Variants in TRIM48 observed in about 807,000 individuals in gnomAD.
TRIM48 encodes the protein E3 ubiquitin-protein ligase TRIM48.
A neutral mutation model predicts 29.5 loss-of-function variants in TRIM48; 31 were observed. The ratio of observed to expected loss-of-function variants is 1.05; its 90% confidence interval spans 0.79 to 1.42. The LOEUF (loss-of-function observed/expected upper bound fraction) is 1.42, where lower values mean the gene tolerates loss of function less well. Ranked by LOEUF, TRIM48 falls within the 40% of genes most tolerant of loss-of-function variation. The pLI is 0.00. For missense variants in TRIM48, 344 were observed against 265.0 expected (o/e 1.30, Z -2.07); for synonymous variants, 128 against 90.6 (o/e 1.41, Z -2.34).
intron 4 of TRIM48, among the ~76,000 whole-genome samples, chr11:55,268,915 T>C (rs150587121): frequency 0.059 from 8,734 of 147,586 alleles, 1,031 homozygotes; most frequent in Non-Finnish European, 0.09. Flanking sequence ...ACCCCTCTAT[T>C]TCAGACAAAG....
intron 1 of TRIM48, among the ~76,000 whole-genome samples, chr11:55,262,905 T>A (rs1219156766): frequency 6.6e-6 from 1 of 152,164 alleles, no homozygotes; most frequent in Non-Finnish European, 1.5e-5. Context: ...TACAATGACT[T>A]AGATGACCTC....
rs1457989860 is a variant in TRIM48 at position 55,270,440 on chromosome 11, A to G, written c.*5A>G. 5.4e-6 allele frequency: 8 copies of G among 1,475,176 alleles called. No homozygotes were observed. In the African/African-American group the frequency reaches 1.1e-4, roughly 21 times the overall value. The allele number at this position is 1,475,176 out of a possible 1,614,324, so 91.4% of individuals were successfully genotyped here. ...TATTTATTTATTTATTTTGCAGTGG[A>G]TATTACTCTGCATCACAATGAAGCC... On this transcript the variant is annotated 3_prime_UTR_variant, in exon 6 of 6. Coordinates refer to ENST00000417545, the MANE Select transcript of TRIM48 (RefSeq NM_024114.5).
Position 55,270,181 on chromosome 11 carries a change from A to C in TRIM48, c.*2-256A>C, listed in dbSNP as rs187114940. Among the ~76,000 whole-genome samples the C allele has an allele frequency of 2.1e-4, 31 of 148,306 alleles. 3 individuals carry two copies. Among genetic ancestry groups the C allele is most frequent in the African/African-American group, 7.1e-4 (29 of 40,642 alleles). ...TTGCTTTGAAAATTGGATTGAAAGA[A>C]GTTGGTCTTACATTTGGCTGTCAGT... On this transcript the variant is annotated intron_variant, in intron 5 of 5. Coordinates refer to ENST00000417545, the MANE Select transcript of TRIM48 (RefSeq NM_024114.5).
chr11:55,268,959 G>A (rs550111933), intron 4 of TRIM48, among the ~76,000 whole-genome samples: 2 of 147,844 alleles, frequency 1.4e-5, no homozygotes, highest in African/African-American at 4.9e-5. Flanking sequence ...GTGGAACTCA[G>A]AATTTCGTTT....
intron 1 of TRIM48, among the ~76,000 whole-genome samples, chr11:55,264,286 T>A (rs1328577774): frequency 1.4e-5 from 2 of 148,094 alleles, no homozygotes; most frequent in Non-Finnish European, 3.0e-5. Context: ...TGCTGTTTTT[T>A]ATTTGTTTAT....
Position 55,265,686 on chromosome 11 carries a change from C to T in TRIM48, c.546C>T (p.Ser182=). The change falls in exon 3 of 6, where the codon AGC becomes AGT. Residue 182 remains serine (S), a synonymous_variant. Transcript: ENST00000417545. The part of the protein sequence containing the change: ...RNLNVETTRI[S]HWKAFGDILY... The stretch of plus-strand genomic sequence containing the variant: ...TGAATGTGGAAACCACCAGAATCAG[C>T]CACTGGAAGGTTAGTCCTGTAATAC... The T allele has an allele frequency of 2.5e-6, 4 of 1,580,116 alleles. No homozygotes were observed. The highest frequency in any genetic ancestry group is 2.6e-6 in the Non-Finnish European group (3 of 1,164,414).
chr11:55,264,278 C>T lies in TRIM48; in HGVS notation c.45-622C>T, dbSNP rs189877786. Among the ~76,000 whole-genome samples, 1,201 of 147,848 alleles carry T rather than the reference C, an allele frequency of 8.1e-3. 109 individuals are homozygous for T. Among genetic ancestry groups the T allele is most frequent in the African/African-American group, 0.028 (1,146 of 40,506 alleles). Reference sequence around the variant, plus strand: ...TATTCAACCTAAATTGGTTTAATTGCTGTTTTTTATTTGTTTATTTGGTTG... The same window carrying T: ...TATTCAACCTAAATTGGTTTAATTGTTGTTTTTTATTTGTTTATTTGGTTG... On this transcript the variant is annotated intron_variant, in intron 1 of 5. Transcript: ENST00000417545.
Position 55,270,021 on chromosome 11 carries a change from C to A in TRIM48, c.*2-416C>A, listed in dbSNP as rs1437195872. Among the ~76,000 whole-genome samples, 2 of 147,834 alleles carry A rather than the reference C, an allele frequency of 1.4e-5. 1 individual carries two copies. Among genetic ancestry groups the A allele is most frequent in the East Asian group, 4.3e-4 (2 of 4,678 alleles). ...TACTTATGGATTTTTATCCAGTTAT[C>A]TAGAGCAGTTCTTGAGTAACTGAAA... On this transcript the variant is annotated intron_variant, in intron 5 of 5. Coordinates refer to ENST00000417545, the MANE Select transcript of TRIM48 (RefSeq NM_024114.5).
chr11:55,262,183 T>C lies in TRIM48; in HGVS notation c.-85T>C. ...TTTCTCCAAAGGAGAAGGAGTGCAC[T>C]TAGAGGGAGCTGTGTTTTGGTGACC... On this transcript the variant is annotated 5_prime_UTR_variant, in exon 1 of 6. Coordinates refer to ENST00000417545, the MANE Select transcript of TRIM48 (RefSeq NM_024114.5). 2.8e-6 allele frequency: 3 copies of C among 1,060,356 alleles called. No individual in the cohort carries two copies. Among genetic ancestry groups the C allele is most frequent in the Non-Finnish European group, 4.3e-6 (3 of 700,974 alleles). The allele number at this position is 1,060,356 out of a possible 1,614,324, so 65.7% of individuals were successfully genotyped here. A position where few individuals can be genotyped will look rare whatever the true frequency, so the allele number is the denominator to read the frequency against.
At position 55,267,499 on chromosome 11, in the gene TRIM48, G is replaced by T. The variant is rs545658061; in HGVS notation, c.556-851G>T. The T allele has an allele frequency of 2.7e-5, 42 of 1,579,768 alleles. 5 individuals are homozygous for T. In the Admixed American group the frequency reaches 4.1e-4, roughly 15 times the overall value. On this transcript the variant is annotated intron_variant, in intron 3 of 5. Transcript: ENST00000417545. The stretch of plus-strand genomic sequence containing the variant: ...AAGAAGAAAAACATAATTTGGAGAT[G>T]CTGAAAAAGAAGGGAAAAGATATTT...
At position 55,268,303 on chromosome 11, in the gene TRIM48, T is replaced by C. The variant is rs780396000; in HGVS notation, c.556-47T>C. On this transcript the variant is annotated intron_variant, in intron 3 of 5. Transcript: ENST00000417545. ...ATTTCACACTGAACTTAATGAAAGA[T>C]GCATCTTGTGAACTGCACTAAATCT... The C allele has an allele frequency of 9.7e-6, 14 of 1,445,246 alleles. 2 individuals are homozygous for C. The highest frequency in any genetic ancestry group is 1.3e-5 in the Non-Finnish European group (14 of 1,047,868). The allele number at this position is 1,445,246 out of a possible 1,614,324, so 89.5% of individuals were successfully genotyped here.
intron 1 of TRIM48, 83 bp from the exon 2 acceptor site, chr11:55,264,817 T>C: frequency 6.5e-7 from 1 of 1,534,688 alleles, no homozygotes; most frequent in Non-Finnish European, 8.8e-7. Context: ...GAGAAGAAAC[T>C]ATAGCTATCA....
intron 3 of TRIM48, among the ~76,000 whole-genome samples, chr11:55,265,938 G>T (rs1439196664): frequency 6.8e-6 from 1 of 147,562 alleles, no homozygotes; most frequent in Non-Finnish European, 1.5e-5. Flanking sequence ...ATACAAACCT[G>T]TAGCTATACA....
rs1857383190 is a variant in TRIM48 at position 55,265,765 on chromosome 11, A to G, written c.555+70A>G. 5.0e-6 allele frequency: 7 copies of G among 1,403,634 alleles called. 1 individual carries two copies. Among genetic ancestry groups the G allele is most frequent in the Non-Finnish European group, 6.8e-6 (7 of 1,032,524 alleles). 86.9% of individuals were successfully genotyped at this position (1,403,634 alleles called of 1,614,324 possible). Reference sequence around the variant, plus strand: ...CAAATGGGTGACTCTTAAAATAGGAACTTGATATCAAACCGTAATGTTTCT... The same window carrying G: ...CAAATGGGTGACTCTTAAAATAGGAGCTTGATATCAAACCGTAATGTTTCT... On this transcript the variant is annotated intron_variant, in intron 3 of 5. Transcript: ENST00000417545.
In TRIM48 at chr11:55,264,873, A is replaced by G; in HGVS notation, c.45-27A>G. On this transcript the variant is annotated intron_variant, in intron 1 of 5. Coordinates refer to ENST00000417545, the MANE Select transcript of TRIM48 (RefSeq NM_024114.5). ...AGCTTTTCATCAACCCAGACCCCAA[A>G]ATGACATGCTGCTCTTTCTTCCTCA... 10 of 1,582,574 alleles carry G rather than the reference A, an allele frequency of 6.3e-6. 1 individual carries two copies. The highest frequency in any genetic ancestry group is 8.6e-6 in the Non-Finnish European group (10 of 1,166,036).
In TRIM48 at chr11:55,264,975, C is replaced by T. The variant is rs527664203; in HGVS notation, c.120C>T (p.Asp40=). 5 of 1,584,546 alleles carry T rather than the reference C, an allele frequency of 3.2e-6. No homozygotes were observed. In the Admixed American group the frequency reaches 6.8e-5, roughly 22 times the overall value. The change falls in exon 2 of 6, where the codon GAC becomes GAT. Residue 40 remains aspartate, a synonymous_variant. Transcript: ENST00000417545. ...CCATCTGCATGAACTACTTCATAGA[C>T]CCGGTCACCATAGACTGTGGGCACA... The part of the protein sequence containing the change: ...TCPICMNYFI[D]PVTIDCGHSF...
chr11:55,263,371 A>T (rs143956247), intron 1 of TRIM48, among the ~76,000 whole-genome samples: 1 of 151,994 alleles, frequency 6.6e-6, no homozygotes, highest in Non-Finnish European at 1.5e-5. Flanking sequence ...AAACAATAAA[A>T]CCTAGGCGCA....
intron 3 of TRIM48, among the ~76,000 whole-genome samples, chr11:55,265,974 T>C (rs1192888071): frequency 6.8e-6 from 1 of 147,414 alleles, no homozygotes; most frequent in Non-Finnish European, 1.5e-5. Flanking sequence ...AACTGGGCCA[T>C]CTCACAGCAT....
chr11:55,267,076 T>G (rs550310374), intron 3 of TRIM48, among the ~76,000 whole-genome samples: 18 of 148,246 alleles, frequency 1.2e-4, no homozygotes, highest in Middle Eastern at 3.5e-3. Flanking sequence ...TCCTTTCTAG[T>G]AACTATAGCT....
Sources: allele counts gnomAD v4.1 joint callset (sites outside exome capture counted in the v4.1 genomes callset), GRCh38; gene constraint gnomAD v4.1.1; transcripts MANE v1.5; gene names NCBI Gene and HGNC (gene_info 2026-07-23, HGNC 2026-07-21).